KCNQ5: variants seen among roughly 807,000 people sequenced by gnomAD.
KCNQ5 encodes potassium voltage-gated channel subfamily Q member 5.
KCNQ5 carries 30 observed loss-of-function variants against 98.2 expected under a neutral mutation model. The observed-to-expected ratio is 0.31, with a 90% CI of 0.23 to 0.41. KCNQ5 has a LOEUF of 0.41. Among genes scored for constraint, KCNQ5 ranks in the 10% least tolerant of loss-of-function variants. The pLI, the probability that KCNQ5 is intolerant of heterozygous loss-of-function variation, is 1.00. For missense variants in KCNQ5, 835 were observed against 1,182.5 expected (o/e 0.71, Z 4.31); for synonymous variants, 458 against 449.4 (o/e 1.02, Z -0.24).
intron 1 of KCNQ5, among the ~76,000 whole-genome samples, chr6:72,934,092 G>T (rs1765799661): frequency 6.6e-6 from 1 of 152,030 alleles, no homozygotes; most frequent in South Asian, 2.1e-4. Flanking sequence ...ATAAAAACTG[G>T]GTGTTTAAGG....
chr6:73,156,929 A>C (rs1328152268), intron 10 of KCNQ5, among the ~76,000 whole-genome samples: 1 of 152,110 alleles, frequency 6.6e-6, no homozygotes, highest in African/African-American at 2.4e-5. Flanking sequence ...AATGCCATCT[A>C]TCTGTTGGGT....
At chr6:72,910,770 C>T (rs1779911690) in intron 1 of KCNQ5, among the ~76,000 whole-genome samples, 1 of 152,062 alleles carries the variant, frequency 6.6e-6, no homozygotes, top group Admixed American at 6.6e-5. Context: ...TAAAAGTGAA[C>T]ATAGGTATCA....
At chr6:73,008,984 G>T (rs1347605290) in intron 2 of KCNQ5, among the ~76,000 whole-genome samples, 1 of 152,002 alleles carries the variant, frequency 6.6e-6, no homozygotes, top group Admixed American at 6.6e-5. Flanking sequence ...TAAACAGCAT[G>T]CCTTTGTTTT....
At chr6:73,121,665 C>G (rs1048160100) in intron 8 of KCNQ5, among the ~76,000 whole-genome samples, 2 of 152,188 alleles carry the variant, frequency 1.3e-5, no homozygotes, top group African/African-American at 4.8e-5. Flanking sequence ...ACCACCTGTT[C>G]TTACTGATCT....
intron 1 of KCNQ5, among the ~76,000 whole-genome samples, chr6:72,752,608 A>G (rs1378640100): frequency 1.3e-5 from 2 of 152,156 alleles, no homozygotes; most frequent in Admixed American, 6.6e-5. Flanking sequence ...GTATTCATAC[A>G]TGTTCACAAC....
At chr6:72,722,610 C>G (rs1770028814) in intron 1 of KCNQ5, among the ~76,000 whole-genome samples, 1 of 152,014 alleles carries the variant, frequency 6.6e-6, no homozygotes, top group Non-Finnish European at 1.5e-5. Context: ...GACATGGTGG[C>G]TGAATCAGAG....
intron 8 of KCNQ5, among the ~76,000 whole-genome samples, chr6:73,122,551 G>A (rs1383943432): frequency 6.6e-6 from 1 of 152,042 alleles, no homozygotes; most frequent in Non-Finnish European, 1.5e-5. Context: ...ATGAACCATG[G>A]GGCTCAGCTC....
intron 1 of KCNQ5, among the ~76,000 whole-genome samples, chr6:72,695,581 C>T (rs1221017849): frequency 6.6e-6 from 1 of 152,212 alleles, no homozygotes; most frequent in East Asian, 1.9e-4. Flanking sequence ...AACAACACTT[C>T]TCAGAACATA....
At chr6:72,904,232 A>T (rs987829456) in intron 1 of KCNQ5, among the ~76,000 whole-genome samples, 1 of 152,074 alleles carries the variant, frequency 6.6e-6, no homozygotes, top group African/African-American at 2.4e-5. Flanking sequence ...CTTTCCTTTA[A>T]GTTTAATGGT....
intron 1 of KCNQ5, among the ~76,000 whole-genome samples, chr6:72,978,196 G>C (rs985968564): frequency 1.3e-5 from 2 of 152,136 alleles, no homozygotes; most frequent in African/African-American, 4.8e-5. Flanking sequence ...CGAAAAGGCT[G>C]TTTTTGTTTC....
rs765719447 is a variant in KCNQ5, at chr6:72,787,998, G to A, written c.398+165411G>A. Among the ~76,000 whole-genome samples the A allele has an allele frequency of 3.9e-5, 6 of 152,168 alleles. 1 individual carries two copies. The South Asian group carries it at 6.2e-4, about 16-fold the overall frequency. On this transcript the variant is annotated intron_variant, in intron 1 of 13. Transcript: ENST00000370398. ...ATGTTTCCTGGTTGCCTCAGTGCCC[G>A]TGCCTTAGACAACTTACATTCCAAT... is the stretch of plus-strand genomic sequence containing the variant.
At chr6:72,940,046 G>A (rs1766148764) in intron 1 of KCNQ5, among the ~76,000 whole-genome samples, 2 of 152,068 alleles carry the variant, frequency 1.3e-5, no homozygotes, top group South Asian at 4.2e-4. Context: ...TTCTTAAAAT[G>A]CCTCTCTGGG....
At chr6:72,985,086 G>A (rs1030344271) in intron 1 of KCNQ5, among the ~76,000 whole-genome samples, 2 of 152,170 alleles carry the variant, frequency 1.3e-5, no homozygotes, top group Non-Finnish European at 1.5e-5. Flanking sequence ...TGTGCTGGTA[G>A]TCCTAGATAC....
At chr6:73,077,208 G>A (rs911527343) in intron 3 of KCNQ5, 114 bp from the exon 4 acceptor site, 1 of 1,018,330 alleles carries the variant, frequency 9.8e-7, no homozygotes, top group African/African-American at 1.6e-5. Context: ...TGGGAATCAA[G>A]ATCTGTTTAT....
intron 1 of KCNQ5, among the ~76,000 whole-genome samples, chr6:72,696,979 A>C (rs1402206714): frequency 6.6e-6 from 1 of 152,200 alleles, no homozygotes; most frequent in Non-Finnish European, 1.5e-5. Flanking sequence ...TACCCCTTAC[A>C]AAGTCTGATA....
At chr6:73,092,121 T>G (rs1463283981) in intron 5 of KCNQ5, among the ~76,000 whole-genome samples, 1 of 149,486 alleles carries the variant, frequency 6.7e-6, no homozygotes. Context: ...TTTTGTTTTG[T>G]TTTTTTGTTT....
intron 10 of KCNQ5, chr6:73,136,712 G>A (rs773261342): frequency 7.9e-5 from 12 of 152,066 alleles, no homozygotes; most frequent in South Asian, 2.1e-4. Flanking sequence ...TCAATGTTGC[G>A]TCTTGGGAAA....
chr6:72,810,734 C>T (rs1239171946), intron 1 of KCNQ5, among the ~76,000 whole-genome samples: 4 of 152,070 alleles, frequency 2.6e-5, no homozygotes, highest in Non-Finnish European at 5.9e-5. Flanking sequence ...AATAAAGTGC[C>T]TCTTTGGGCA....
chr6:73,170,871 T>C (rs1384465532), intron 11 of KCNQ5, among the ~76,000 whole-genome samples: 1 of 151,968 alleles, frequency 6.6e-6, no homozygotes, highest in Non-Finnish European at 1.5e-5. Flanking sequence ...GAGATGGAGG[T>C]TGCAGTGAGC....
Sources: gnomAD v4.1 joint callset for allele counts (sites outside exome capture counted in the v4.1 genomes callset) on GRCh38, gnomAD v4.1.1 for gene constraint, MANE v1.5 for transcripts, NCBI Gene and HGNC (gene_info 2026-07-23, HGNC 2026-07-21) for gene names.